Variants in DIAPH3 observed in about 807,000 individuals in gnomAD.
The protein encoded by DIAPH3 is diaphanous related formin 3.
Under a neutral mutation model 144.3 loss-of-function variants are expected in DIAPH3, and 117 were observed. The observed-to-expected ratio is 0.81, with a 90% CI of 0.70 to 0.95. DIAPH3 has a LOEUF of 0.95. Among genes scored for constraint, DIAPH3 ranks in the 40% least tolerant of loss-of-function variants. The probability of loss-of-function intolerance (pLI) is 0.00; values close to 1 mark genes in which losing one functional copy is unlikely to be tolerated. For synonymous variants in DIAPH3, 519 were observed against 488.9 expected (o/e 1.06, Z -0.81); for missense variants, 1,421 against 1,412.7 (o/e 1.01, Z -0.09).
chr13:59,716,377 A>G (rs368905253), intron 27 of DIAPH3, among the ~76,000 whole-genome samples: 90 of 152,190 alleles, frequency 5.9e-4, no homozygotes, highest in African/African-American at 1.6e-3. Context: ...GGGTTTCACC[A>G]TGTTAGCCAG....
chr13:60,060,452 T>A (rs1188831175), intron 4 of DIAPH3, among the ~76,000 whole-genome samples: 1 of 152,070 alleles, frequency 6.6e-6, no homozygotes, highest in Admixed American at 6.6e-5. Context: ...CTTTTATGAT[T>A]AACAGTTTTT....
In DIAPH3 at chr13:60,163,825, G is replaced by C; in HGVS notation, c.-59C>G. 1 of 1,532,376 alleles carries C rather than the reference G, an allele frequency of 6.5e-7. No individual in the cohort carries two copies. The highest frequency in any genetic ancestry group is 1.2e-5 in the South Asian group (1 of 83,494). 94.9% of individuals were successfully genotyped at this position (1,532,376 alleles called of 1,614,324 possible). On this transcript the variant is annotated 5_prime_UTR_variant, in exon 1 of 28. Transcript: ENST00000400324. ...TGGCCACTCAGCAAGCCGCAAGCTGGAAGCTGAGGGATCGACAACAGGTTT... is the reference window on the plus strand; with the variant it reads ...TGGCCACTCAGCAAGCCGCAAGCTGCAAGCTGAGGGATCGACAACAGGTTT...
intron 4 of DIAPH3, among the ~76,000 whole-genome samples, chr13:60,062,074 A>G (rs763457493): frequency 3.3e-5 from 5 of 152,094 alleles, no homozygotes; most frequent in Non-Finnish European, 5.9e-5. Flanking sequence ...CCCCTATTTT[A>G]TCTTAATTAC....
intron 17 of DIAPH3, among the ~76,000 whole-genome samples, chr13:59,939,094 A>G (rs1382526474): frequency 6.6e-6 from 1 of 152,158 alleles, no homozygotes; most frequent in East Asian, 1.9e-4. Context: ...TGCTTTGTCA[A>G]ATGAAGAACA....
At chr13:59,861,210 C>A in intron 22 of DIAPH3, 197 bp downstream of exon 22, 1 of 1,475,436 alleles carries the variant, frequency 6.8e-7, no homozygotes, top group Non-Finnish European at 8.9e-7. Flanking sequence ...GCCTCATCAT[C>A]TAACTAAACA....
At chr13:59,799,222 C>T (rs551374848) in intron 25 of DIAPH3, among the ~76,000 whole-genome samples, 3 of 151,894 alleles carry the variant, frequency 2.0e-5, no homozygotes, top group Non-Finnish European at 2.9e-5. Context: ...CTGTTATGGA[C>T]GTAGATGCCA....
intron 22 of DIAPH3, among the ~76,000 whole-genome samples, chr13:59,845,757 C>T (rs2042595931): frequency 6.6e-6 from 1 of 152,164 alleles, no homozygotes; most frequent in Non-Finnish European, 1.5e-5. Context: ...TGCCCTTTCT[C>T]CCAATCACAA....
At chr13:60,090,505 C>T (rs2137886151) in intron 4 of DIAPH3, among the ~76,000 whole-genome samples, 1 of 152,156 alleles carries the variant, frequency 6.6e-6, no homozygotes, top group East Asian at 1.9e-4. Flanking sequence ...AATATTAATG[C>T]TTACCCAAAA....
At chr13:59,943,437 A>G (rs1808659901) in intron 17 of DIAPH3, among the ~76,000 whole-genome samples, 1 of 152,156 alleles carries the variant, frequency 6.6e-6, no homozygotes, top group South Asian at 2.1e-4. Flanking sequence ...CCCTGTTAGA[A>G]CAATAATAGC....
chr13:59,837,955 C>T (rs762074149), intron 23 of DIAPH3: 1 of 152,056 alleles, frequency 6.6e-6, no homozygotes, highest in African/African-American at 2.4e-5. Context: ...TAAAACTCAA[C>T]TAGTTCACAA....
At chr13:59,715,519 C>T (rs2035002188) in intron 27 of DIAPH3, among the ~76,000 whole-genome samples, 1 of 151,922 alleles carries the variant, frequency 6.6e-6, no homozygotes, top group Non-Finnish European at 1.5e-5. Context: ...AATCCTTTTG[C>T]TTCAATATTA....
intron 25 of DIAPH3, among the ~76,000 whole-genome samples, chr13:59,778,343 A>T (rs1248115630): frequency 6.6e-6 from 1 of 152,236 alleles, no homozygotes; most frequent in Non-Finnish European, 1.5e-5. Flanking sequence ...CCACGAGCCC[A>T]CTGAGGGCAG....
In DIAPH3 at chr13:60,069,079, G is replaced by A. The variant is rs532550537; in HGVS notation, c.495+24549C>T. ...CACCATACTGTTTTCAACAATGGTT[G>A]AACTAATTCACACTCTAACCAACAG... On this transcript the variant is annotated intron_variant, in intron 4 of 27. Transcript: ENST00000400324. Among the ~76,000 whole-genome samples, 15 of 152,250 alleles carry A rather than the reference G, an allele frequency of 9.9e-5. No homozygotes were observed. The East Asian group carries it at 2.1e-3, about 22-fold the overall frequency.
chr13:59,764,105 C>T (rs2037754451), intron 27 of DIAPH3, among the ~76,000 whole-genome samples: 1 of 151,840 alleles, frequency 6.6e-6, no homozygotes, highest in African/African-American at 2.4e-5. Context: ...TTCATTTCCA[C>T]TTTTTTCTCC....
intron 22 of DIAPH3, among the ~76,000 whole-genome samples, chr13:59,852,745 C>T (rs375678068): frequency 6.6e-6 from 1 of 152,116 alleles, no homozygotes; most frequent in African/African-American, 2.4e-5. Flanking sequence ...ACAAAATTTG[C>T]AGTCGTTATG....
intron 24 of DIAPH3, among the ~76,000 whole-genome samples, chr13:59,814,642 G>T (rs1485148648): frequency 6.6e-6 from 1 of 152,216 alleles, no homozygotes; most frequent in Non-Finnish European, 1.5e-5. Context: ...AATTAAGAAA[G>T]AAAAGTTAAG....
At chr13:59,876,211 G>T (rs539212032) in intron 21 of DIAPH3, among the ~76,000 whole-genome samples, 1 of 152,230 alleles carries the variant, frequency 6.6e-6, no homozygotes, top group South Asian at 2.1e-4. Flanking sequence ...AATCACAATT[G>T]TCAAAGATCA....
intron 21 of DIAPH3, among the ~76,000 whole-genome samples, chr13:59,864,450 T>C (rs944524187): frequency 6.6e-6 from 1 of 152,030 alleles, no homozygotes; most frequent in Non-Finnish European, 1.5e-5. Flanking sequence ...TACACCCTTG[T>C]AGACTGTTTG....
rs139103104 is a variant in DIAPH3, at chr13:60,088,133, T to G, written c.495+5495A>C. ...CAGTCCAGTTGTAATCTGTAGGTAG[T>G]TAAACTGTCTGGACAGTTTAATCAT... On this transcript the variant is annotated intron_variant, in intron 4 of 27. Coordinates refer to ENST00000400324, the MANE Select transcript of DIAPH3 (RefSeq NM_001042517.2). 5.3e-5 allele frequency among the ~76,000 whole-genome samples: 8 copies of G among 152,206 alleles called. No individual in the cohort carries two copies. In the East Asian group the frequency reaches 1.5e-3, roughly 29 times the overall value.
Sources: gnomAD v4.1 joint callset for allele counts (sites outside exome capture counted in the v4.1 genomes callset) on GRCh38, gnomAD v4.1.1 for gene constraint, MANE v1.5 for transcripts, NCBI Gene and HGNC (gene_info 2026-07-23, HGNC 2026-07-21) for gene names.